CPAMD8: variants seen among roughly 807,000 people sequenced by gnomAD.
CPAMD8 encodes the protein C3 and PZP-like alpha-2-macroglobulin domain-containing protein 8.
A neutral mutation model predicts 224.7 loss-of-function variants in CPAMD8; 146 were observed. The observed-to-expected ratio is 0.65, with a 90% CI of 0.57 to 0.75. The LOEUF is 0.75. Ranked by LOEUF, CPAMD8 falls within the 30% of genes least tolerant of loss-of-function variation. The probability of loss-of-function intolerance (pLI) is 0.00; values close to 1 mark genes in which losing one functional copy is unlikely to be tolerated. For missense variants in CPAMD8, 2,301 were observed against 2,537.5 expected, an observed-to-expected ratio of 0.91 and a Z score of 2.00; for synonymous variants, 966 against 1,044.6, an observed-to-expected ratio of 0.92 and a Z score of 1.45.
Position 16,977,442 on chromosome 19 carries a change from A to G in CPAMD8, c.1684T>C (p.Phe562Leu). The G allele has an allele frequency of 6.2e-7, 1 of 1,612,428 alleles. No homozygotes were observed. Among genetic ancestry groups the G allele is most frequent in the Non-Finnish European group, 8.5e-7 (1 of 1,178,900 alleles). Residue 562 changes from phenylalanine (F) to leucine (L), a missense_variant, in exon 15 of 42, where the codon TTC (phenylalanine) becomes CTC (leucine). This residue lies in a region of CPAMD8 where 301 missense variants were observed against 406.6 expected (regional missense o/e 0.74). Coordinates refer to ENST00000443236, the MANE Select transcript of CPAMD8 (RefSeq NM_015692.5). Reference sequence around the variant, plus strand: ...CCTTCTCCATTCTCCCTGACGTAGAAGACCAGCAGGCGACCAAGGGGGACC... The same window carrying G: ...CCTTCTCCATTCTCCCTGACGTAGAGGACCAGCAGGCGACCAAGGGGGACC... ...SMVPLGRLLV[F>L]YVRENGEGVA...
intron 25 of CPAMD8, among the ~76,000 whole-genome samples, chr19:16,927,111 C>T (rs1237663989): frequency 6.6e-6 from 1 of 152,064 alleles, no homozygotes; most frequent in South Asian, 2.1e-4. Context: ...AGCACCTGGG[C>T]TACTAGAGGC....
chr19:16,965,046 G>A (rs533996743), intron 18 of CPAMD8, among the ~76,000 whole-genome samples: 1 of 152,242 alleles, frequency 6.6e-6, no homozygotes, highest in South Asian at 2.1e-4. Flanking sequence ...AGATCACAAG[G>A]TGAGGAGATC....
rs138528164 is a variant in CPAMD8 at position 16,960,961 on chromosome 19, C to T, written c.2214-3046G>A. Reference sequence around the variant, plus strand: ...GGAGGGTCTGAGGGTGGGAAGGAGACTTAAATTTCATTATATATCCTCTTC... The same window carrying T: ...GGAGGGTCTGAGGGTGGGAAGGAGATTTAAATTTCATTATATATCCTCTTC... On this transcript the variant is annotated intron_variant, in intron 18 of 41. Transcript: ENST00000443236. 6.8e-3 allele frequency among the ~76,000 whole-genome samples: 1,028 copies of T among 151,892 alleles called. 5 individuals are homozygous for T. The highest frequency in any genetic ancestry group is 0.01 in the Non-Finnish European group (698 of 67,944).
chr19:16,896,594 C>T lies in CPAMD8; in HGVS notation c.5137G>A (p.Asp1713Asn), dbSNP rs1427168245. The change falls in exon 40 of 42, where the codon GAC (aspartate) becomes AAC (asparagine). Residue 1713 changes from aspartate (D) to asparagine (N), a missense_variant. Asp to Asn is a conservative substitution (Grantham distance 23, BLOSUM62 1). Around this residue, in one of 4 missense-constraint regions of CPAMD8, gnomAD observed 1,709 missense variants for 1,753.2 expected, o/e 0.97. Coordinates refer to ENST00000443236, the MANE Select transcript of CPAMD8 (RefSeq NM_015692.5). ...EGAAIARCGCDHDCGAQGNPV... is the reference protein window; with the variant it reads ...EGAAIARCGCNHDCGAQGNPV... ...TTCCCCTGGGCGCCGCAGTCGTGGT[C>T]GCAGCCGCATCGCGCGATCGCCGCC... is the stretch of plus-strand genomic sequence containing the variant. 13 of 1,510,984 alleles carry T rather than the reference C, an allele frequency of 8.6e-6. No individual in the cohort carries two copies. In the African/African-American group the frequency reaches 1.8e-4, roughly 21 times the overall value. The allele number at this position is 1,510,984 out of a possible 1,614,324, so 93.6% of individuals were successfully genotyped here.
intron 18 of CPAMD8, among the ~76,000 whole-genome samples, chr19:16,967,796 G>A (rs2054880068): frequency 7.9e-6 from 1 of 126,256 alleles, no homozygotes; most frequent in African/African-American, 3.0e-5. Context: ...GCAACAGAGT[G>A]AGACTCTGTC....
rs186668383 is a variant in CPAMD8 at position 16,994,992 on chromosome 19, T to C, written c.1096-1406A>G. ...TAACCACTCCTTTCTTGAATGCAGA[T>C]GGTAGGTATTTTCTGTCATATGTGA... On this transcript the variant is annotated intron_variant, in intron 11 of 41. Coordinates refer to ENST00000443236, the MANE Select transcript of CPAMD8 (RefSeq NM_015692.5). Among the ~76,000 whole-genome samples the C allele has an allele frequency of 2.6e-5, 4 of 152,172 alleles. No individual in the cohort carries two copies. The East Asian group carries it at 7.7e-4, about 29-fold the overall frequency.
rs1192764437 is a variant in CPAMD8, at chr19:16,945,718, C to T, written c.2663-39G>A. The T allele has an allele frequency of 3.1e-6, 5 of 1,607,330 alleles. No individual in the cohort carries two copies. In the Admixed American group the frequency reaches 5.0e-5, roughly 16 times the overall value. ...ATGTCTTGGTCTCAGAACAGGTCTC[C>T]ACCCAAGATGGGGGCTGTCCCATCC... On this transcript the variant is annotated intron_variant, in intron 21 of 41. Transcript: ENST00000443236.
chr19:16,952,769 A>T (rs2054338460), intron 19 of CPAMD8, among the ~76,000 whole-genome samples: 1 of 152,266 alleles, frequency 6.6e-6, no homozygotes, highest in Non-Finnish European at 1.5e-5. Flanking sequence ...GATCGGAAAG[A>T]CTTGTTAAAA....
At chr19:16,923,210 C>A (rs561957234) in intron 26 of CPAMD8, among the ~76,000 whole-genome samples, 1 of 152,338 alleles carries the variant, frequency 6.6e-6, no homozygotes, top group South Asian at 2.1e-4. Flanking sequence ...CATAGGGAGC[C>A]ATGGGTGGCG....
intron 19 of CPAMD8, 158 bp downstream of exon 19, chr19:16,957,695 C>T (rs962539221): frequency 1.4e-6 from 1 of 705,776 alleles, no homozygotes; most frequent in African/African-American, 1.8e-5. Context: ...TCAAGGCTGG[C>T]TTCATGGCTT....
intron 22 of CPAMD8, among the ~76,000 whole-genome samples, chr19:16,942,590 C>T (rs1011918097): frequency 6.6e-6 from 1 of 152,166 alleles, no homozygotes; most frequent in Non-Finnish European, 1.5e-5. Flanking sequence ...TTGGCTGGGG[C>T]CCTGGGCACA....
chr19:16,975,134 G>A lies in CPAMD8; in HGVS notation c.2033C>T (p.Pro678Leu). The part of the protein sequence containing the change: ...RRRRSSVFPW[P>L]WGITKDSGFA... ...CCCAGAGTCCTTGGTGATGCCCCAA[G>A]GCCACGGGAAGACAGAGGAGCGCCG... Residue 678 changes from proline to leucine, a missense_variant, in exon 17 of 42, where the codon CCT becomes CTT. Physicochemically the swap from Pro to Leu is moderately conservative, Grantham distance 98. This residue lies in a region of CPAMD8 where 1,709 missense variants were observed against 1,753.2 expected (regional missense o/e 0.97). Coordinates refer to ENST00000443236, the MANE Select transcript of CPAMD8 (RefSeq NM_015692.5). 1 of 1,612,978 alleles carries A rather than the reference G, an allele frequency of 6.2e-7. No homozygotes were observed. The highest frequency in any genetic ancestry group is 1.1e-5 in the South Asian group (1 of 90,732).
At chr19:17,017,577 T>C (rs1311141230) in intron 3 of CPAMD8, among the ~76,000 whole-genome samples, 1 of 152,186 alleles carries the variant, frequency 6.6e-6, no homozygotes, top group Admixed American at 6.5e-5. Flanking sequence ...GTTGCAGCTG[T>C]GGCCTCCACC....
intron 13 of CPAMD8, among the ~76,000 whole-genome samples, chr19:16,988,279 T>C (rs927558522): frequency 3.9e-5 from 6 of 152,074 alleles, no homozygotes; most frequent in African/African-American, 1.4e-4. Flanking sequence ...TGATCATCAT[T>C]GTCAGCCCTG....
rs559363114 is a variant in CPAMD8, at chr19:16,973,827, CT to C, written c.2070+1269del. On this transcript the variant is annotated intron_variant, in intron 17 of 41. Transcript: ENST00000443236. ...AGATGGGCACCTGATAGCATTAGCC[CT>C]TTTTTTTTTTTTTTTTTTTTGAGAC... is the stretch of plus-strand genomic sequence containing the variant. Among the ~76,000 whole-genome samples, 1,107 of 118,280 alleles carry C rather than the reference CT, an allele frequency of 9.4e-3. 6 individuals are homozygous for C. Among genetic ancestry groups the C allele is most frequent in the African/African-American group, 0.013 (365 of 27,996 alleles). 77.6% of individuals were successfully genotyped at this position (118,280 alleles called of 152,430 possible).
Position 16,897,890 on chromosome 19 carries a change from G to A in CPAMD8, c.4953C>T (p.Pro1651=). Residue 1651 remains proline (P), a splice_region_variant and synonymous_variant, in exon 38 of 42, where the codon CCC becomes CCT. Coordinates refer to ENST00000443236, the MANE Select transcript of CPAMD8 (RefSeq NM_015692.5). ...LPVSVYDYYE[P]AFEATRFYNV... ...GGGGGTGCGGGCGCGCGGGCCTACC[G>A]GGTTCGTAGTAGTCGTACACGGAGA... The A allele has an allele frequency of 6.2e-7, 1 of 1,608,106 alleles. No homozygotes were observed. Among genetic ancestry groups the A allele is most frequent in the Non-Finnish European group, 8.5e-7 (1 of 1,177,990 alleles).
intron 19 of CPAMD8, among the ~76,000 whole-genome samples, chr19:16,956,882 G>A (rs2054489779): frequency 6.6e-6 from 1 of 151,842 alleles, no homozygotes; most frequent in African/African-American, 2.4e-5. Flanking sequence ...TAGAGAGGGT[G>A]GTCTCGATCT....
chr19:17,021,906 C>G (rs2056967411), intron 2 of CPAMD8, 124 bp downstream of exon 2: 1 of 836,368 alleles, frequency 1.2e-6, no homozygotes, highest in Non-Finnish European at 1.8e-6. Context: ...CCTCCCATGC[C>G]CCTGGGGATT....
chr19:16,943,686 T>C (rs138347127), intron 22 of CPAMD8, among the ~76,000 whole-genome samples: 304 of 152,326 alleles, frequency 2.0e-3, no homozygotes, highest in African/African-American at 6.9e-3. Context: ...AGAAAGTGTA[T>C]CCCTGACTTT....
Sources: gnomAD v4.1 joint callset for allele counts (sites outside exome capture counted in the v4.1 genomes callset) on GRCh38, gnomAD v4.1.1 for gene constraint, gnomAD v4.1.1 regional missense constraint, MANE v1.5 for transcripts, NCBI Gene and HGNC (gene_info 2026-07-23, HGNC 2026-07-21) for gene names.